AQR: variants seen among roughly 807,000 people sequenced by gnomAD.
The protein encoded by AQR is aquarius intron-binding spliceosomal factor, also known as RNA helicase aquarius.
Under a neutral mutation model 180.5 loss-of-function variants are expected in AQR, and 61 were observed. The observed-to-expected ratio is 0.34, with a 90% CI of 0.28 to 0.42. AQR has a LOEUF of 0.42. Among genes scored for constraint, AQR ranks in the 10% least tolerant of loss-of-function variants. AQR has a pLI of 1.00. For missense variants in AQR, 1,281 were observed against 1,798.3 expected (o/e 0.71, Z 5.20); for synonymous variants, 551 against 588.8 (o/e 0.94, Z 0.93).
chr15:34,853,881 A>G lies in AQR; in HGVS notation c.*2911T>C, dbSNP rs186037990. ...AAGGTCTAACCAAATGCTGATAAGCAAATTAGGTACAACTCTGAGCCAGGT... is the reference window on the plus strand; with the variant it reads ...AAGGTCTAACCAAATGCTGATAAGCGAATTAGGTACAACTCTGAGCCAGGT... On this transcript the variant is annotated 3_prime_UTR_variant, in exon 35 of 35. Transcript: ENST00000156471. 2.2e-3 allele frequency: 333 copies of G among 152,336 alleles called. 3 individuals carry two copies. The highest frequency in any genetic ancestry group is 7.8e-3 in the African/African-American group (324 of 41,576). 9.4% of individuals were successfully genotyped at this position (152,336 alleles called of 1,614,324 possible).
In AQR at chr15:34,884,658, G is replaced by A. The variant is rs761792584; in HGVS notation, c.2894C>T (p.Ser965Phe). Residue 965 changes from serine to phenylalanine, a missense_variant, in exon 26 of 35, where the codon TCC becomes TTC. This residue lies in a region of AQR where 125 missense variants were observed against 185.0 expected (regional missense o/e 0.68). Transcript: ENST00000156471. ...GSTLPDVTEV[S>F]TFFPFHEYFA... ...GTATTCATGGAAAGGGAAGAAAGTG[G>A]AGACTTCCGTAACATCTGGCAATGT... 8.1e-6 allele frequency: 13 copies of A among 1,612,524 alleles called. No homozygotes were observed. The highest frequency in any genetic ancestry group is 1.1e-5 in the Non-Finnish European group (13 of 1,179,552).
Position 34,906,634 on chromosome 15 carries a change from C to T in AQR, c.1742G>A (p.Arg581Lys), listed in dbSNP as rs1893422887. The T allele has an allele frequency of 6.2e-7, 1 of 1,613,976 alleles. No homozygotes were observed. Among genetic ancestry groups the T allele is most frequent in the Admixed American group, 1.7e-5 (1 of 60,004 alleles). Reference sequence around the variant, plus strand: ...CAGGCCAACCTGCTCAATAAAAGGTCTCCTCCGGTCAAACTTAGTGCCATA... The same window carrying T: ...CAGGCCAACCTGCTCAATAAAAGGTTTCCTCCGGTCAAACTTAGTGCCATA... ...KPYGTKFDRRRPFIEQVGLVY... is the reference protein window; with the variant it reads ...KPYGTKFDRRKPFIEQVGLVY... Residue 581 changes from arginine (R) to lysine (K), a missense_variant, in exon 18 of 35, where the codon AGA becomes AAA. Arg to Lys is a conservative substitution (Grantham distance 26, BLOSUM62 2). Coordinates refer to ENST00000156471, the MANE Select transcript of AQR (RefSeq NM_014691.3).
intron 15 of AQR, 72 bp downstream of exon 15, chr15:34,918,186 T>TA: frequency 6.5e-7 from 1 of 1,538,834 alleles, no homozygotes; most frequent in Non-Finnish European, 8.8e-7. Flanking sequence ...ACACTGCCTA[T>TA]AATTGCCAAT....
At chr15:34,877,704 T>A (rs562797395) in intron 27 of AQR, among the ~76,000 whole-genome samples, 1 of 152,376 alleles carries the variant, frequency 6.6e-6, no homozygotes, top group East Asian at 1.9e-4. Context: ...TTTTGTTTTT[T>A]AAAATACAGA....
intron 27 of AQR, 107 bp downstream of exon 27, chr15:34,882,395 T>C (rs1371910335): frequency 8.2e-7 from 1 of 1,217,284 alleles, no homozygotes; most frequent in African/African-American, 1.6e-5. Flanking sequence ...ATCATCCACT[T>C]ATAAAAGAAA....
chr15:34,858,554 G>C (rs1472906256), intron 34 of AQR, among the ~76,000 whole-genome samples: 1 of 152,106 alleles, frequency 6.6e-6, no homozygotes, highest in Admixed American at 6.5e-5. Flanking sequence ...TTTAAAAACT[G>C]CAGCATGCTT....
intron 6 of AQR, chr15:34,942,962 A>C: frequency 8.5e-7 from 1 of 1,171,366 alleles, no homozygotes; most frequent in Non-Finnish European, 1.2e-6. Context: ...AATACTAATA[A>C]AATCTTGTTT....
In AQR at chr15:34,882,597, A is replaced by T; in HGVS notation, c.3070T>A (p.Ser1024Thr). 1.2e-6 allele frequency: 2 copies of T among 1,613,244 alleles called. No homozygotes were observed. The highest frequency in any genetic ancestry group is 2.2e-5 in the South Asian group (2 of 90,922). ...GCTTCTTTCACTAAAAGGTATTTAG[A>T]TCTGTCCAGTCCACTTCGAAGCAAT... ...SELLRSGLDR[S>T]KYLLVKEAKI... Residue 1024 changes from serine to threonine, a missense_variant, in exon 27 of 35, where the codon TCT (serine) becomes ACT (threonine). Ser to Thr is a moderately conservative substitution (Grantham distance 58). Transcript: ENST00000156471.
intron 3 of AQR, among the ~76,000 whole-genome samples, chr15:34,953,142 T>C (rs1359540088): frequency 2.6e-5 from 4 of 152,206 alleles, no homozygotes; most frequent in Non-Finnish European, 5.9e-5. Context: ...AGTCATGCCT[T>C]CCTAAAAGCA....
intron 22 of AQR, among the ~76,000 whole-genome samples, chr15:34,895,478 A>C (rs934811947): frequency 6.6e-6 from 1 of 151,814 alleles, no homozygotes; most frequent in Non-Finnish European, 1.5e-5. Flanking sequence ...CCTCAAATAT[A>C]ACGACAAGTA....
chr15:34,966,589 G>C (rs957247254), intron 1 of AQR, among the ~76,000 whole-genome samples: 1 of 152,188 alleles, frequency 6.6e-6, no homozygotes, highest in Non-Finnish European at 1.5e-5. Context: ...TCCACAGACT[G>C]TGTGTTAGAT....
chr15:34,953,359 T>C (rs1361042900), intron 3 of AQR, among the ~76,000 whole-genome samples: 1 of 152,200 alleles, frequency 6.6e-6, no homozygotes, highest in Admixed American at 6.5e-5. Flanking sequence ...ACTTACGCTG[T>C]CCCGAAGCAG....
At chr15:34,912,087 C>G (rs1595794846) in intron 16 of AQR, among the ~76,000 whole-genome samples, 1 of 152,076 alleles carries the variant, frequency 6.6e-6, no homozygotes, top group African/African-American at 2.4e-5. Flanking sequence ...AATGATTGTA[C>G]AAGTGTGGGT....
intron 5 of AQR, among the ~76,000 whole-genome samples, chr15:34,947,587 T>C (rs1894150363): frequency 6.6e-6 from 1 of 150,958 alleles, no homozygotes; most frequent in Admixed American, 6.6e-5. Context: ...ATAAACTCCC[T>C]CTTGTGAAAA....
At chr15:34,958,786 C>T (rs1205006957) in intron 3 of AQR, among the ~76,000 whole-genome samples, 6 of 152,240 alleles carry the variant, frequency 3.9e-5, no homozygotes, top group African/African-American at 1.4e-4. Flanking sequence ...TCCACCCACT[C>T]ATCTTTAGTT....
At chr15:34,870,525 G>A (rs145983185) in intron 31 of AQR, among the ~76,000 whole-genome samples, 2 of 152,158 alleles carry the variant, frequency 1.3e-5, no homozygotes, top group East Asian at 1.9e-4. Context: ...TGAACAAAAA[G>A]TTTCAGAAAC....
intron 34 of AQR, among the ~76,000 whole-genome samples, chr15:34,858,843 G>A (rs549867610): frequency 9.2e-5 from 14 of 152,190 alleles, no homozygotes; most frequent in East Asian, 1.9e-4. Flanking sequence ...GAAAAAAATC[G>A]CCTATTAGGG....
At chr15:34,932,476 C>A in intron 10 of AQR, 42 bp from the exon 11 acceptor site, 2 of 1,365,410 alleles carry the variant, frequency 1.5e-6, no homozygotes, top group South Asian at 1.4e-5. Context: ...TGCATCTATT[C>A]TCCACAGCTA....
intron 9 of AQR, 31 bp downstream of exon 9, chr15:34,938,706 T>G (rs748930034): frequency 7.4e-7 from 1 of 1,359,184 alleles, no homozygotes; most frequent in Non-Finnish European, 1.0e-6. Flanking sequence ...TATGATAATT[T>G]CACAAATGCA....
Sources: gnomAD v4.1 joint callset for allele counts (sites outside exome capture counted in the v4.1 genomes callset) on GRCh38, gnomAD v4.1.1 for gene constraint, gnomAD v4.1.1 regional missense constraint, MANE v1.5 for transcripts, NCBI Gene and HGNC (gene_info 2026-07-23, HGNC 2026-07-21) for gene names.